Variants in MINDY2 observed in about 807,000 individuals in gnomAD.
MINDY2 encodes MINDY lysine 48 deubiquitinase 2.
In MINDY2, 52 loss-of-function variants were observed where a neutral mutation model predicts 68.2. The observed-to-expected ratio is 0.76, with a 90% CI of 0.61 to 0.96. MINDY2 has a LOEUF of 0.96. MINDY2 is among the 40% of genes least tolerant of loss of function. The pLI is 0.00. For synonymous variants in MINDY2, 372 were observed against 303.0 expected, an observed-to-expected ratio of 1.23 and a Z score of -2.36; for missense variants, 881 against 773.4, an observed-to-expected ratio of 1.14 and a Z score of -1.65.
chr15:58,844,728 C>A (rs1324595416), intron 6 of MINDY2, among the ~76,000 whole-genome samples: 1 of 151,588 alleles, frequency 6.6e-6, no homozygotes, highest in Non-Finnish European at 1.5e-5. Context: ...ACCAGCCTGG[C>A]CAACATGGTG....
At chr15:58,803,938 C>A (rs1902841791) in intron 3 of MINDY2, among the ~76,000 whole-genome samples, 1 of 136,598 alleles carries the variant, frequency 7.3e-6, no homozygotes, top group Non-Finnish European at 1.5e-5. Context: ...GAAACCCCAG[C>A]TCTACTGAAA....
At position 58,831,882 on chromosome 15, in the gene MINDY2, G is replaced by A. The variant is rs1294095505; in HGVS notation, c.1334G>A (p.Arg445Gln). The change falls in exon 6 of 9, where the codon CGG becomes CAG. Residue 445 changes from arginine (R) to glutamine (Q), a missense_variant. Physicochemically the swap from Arg to Gln is conservative, Grantham distance 43. Coordinates refer to ENST00000559228, the MANE Select transcript of MINDY2 (RefSeq NM_001040450.3). ...GAAGGAGAACTTTGTGTGTTCTTTC[G>A]GAATAATCATTTTAGCACCATGACC... ...VQEGELCVFF[R>Q]NNHFSTMTKY... is the part of the protein sequence containing the mutation. The A allele has an allele frequency of 4.3e-6, 7 of 1,613,350 alleles. No individual in the cohort carries two copies. The Admixed American group carries it at 5.0e-5, about 12-fold the overall frequency.
intron 3 of MINDY2, among the ~76,000 whole-genome samples, chr15:58,809,357 C>T (rs2030056579): frequency 6.6e-6 from 1 of 152,148 alleles, no homozygotes; most frequent in South Asian, 2.1e-4. Flanking sequence ...TTATTTCACT[C>T]AGCATGATGT....
intron 1 of MINDY2, among the ~76,000 whole-genome samples, chr15:58,786,702 G>C (rs189351088): frequency 2.0e-5 from 3 of 152,268 alleles, no homozygotes; most frequent in Admixed American, 6.5e-5. Flanking sequence ...AGGTCAAGAA[G>C]GTCGAAGAAC....
chr15:58,778,934 G>A (rs1900956944), intron 1 of MINDY2, among the ~76,000 whole-genome samples: 1 of 145,052 alleles, frequency 6.9e-6, no homozygotes, highest in African/African-American at 2.6e-5. Context: ...GCTAATTTTT[G>A]TATTTTTAGT....
chr15:58,794,528 T>G (rs1393874623), intron 2 of MINDY2, among the ~76,000 whole-genome samples: 1 of 151,848 alleles, frequency 6.6e-6, no homozygotes, highest in African/African-American at 2.4e-5. Context: ...GAGCTAAGAA[T>G]AAAGGGGATT....
intron 6 of MINDY2, among the ~76,000 whole-genome samples, chr15:58,833,731 T>C (rs180887897): frequency 9.9e-5 from 15 of 152,266 alleles, no homozygotes; most frequent in African/African-American, 3.1e-4. Context: ...GGTTTTCCCC[T>C]GTCTCAGTAG....
intron 3 of MINDY2, among the ~76,000 whole-genome samples, chr15:58,808,734 A>G (rs950171122): frequency 1.3e-5 from 2 of 152,100 alleles, no homozygotes; most frequent in Non-Finnish European, 2.9e-5. Flanking sequence ...CCTCCCGAGT[A>G]GCTGGGACTA....
At chr15:58,807,658 C>T (rs1394989417) in intron 3 of MINDY2, among the ~76,000 whole-genome samples, 4 of 152,096 alleles carry the variant, frequency 2.6e-5, no homozygotes, top group African/African-American at 9.7e-5. Context: ...CCATTGCGCC[C>T]GGCCTAAAAT....
chr15:58,780,070 C>G (rs1211187509), intron 1 of MINDY2, among the ~76,000 whole-genome samples: 6 of 152,154 alleles, frequency 3.9e-5, no homozygotes. Context: ...TCAACCACAT[C>G]ATGAAATCCT....
At chr15:58,783,633 G>C (rs1424303334) in intron 1 of MINDY2, among the ~76,000 whole-genome samples, 1 of 152,130 alleles carries the variant, frequency 6.6e-6, no homozygotes, top group African/African-American at 2.4e-5. Context: ...CTCTTTAGAT[G>C]ATTAAGAATT....
chr15:58,793,753 G>A (rs144602888), intron 2 of MINDY2, among the ~76,000 whole-genome samples: 150 of 152,254 alleles, frequency 9.9e-4, no homozygotes, highest in African/African-American at 3.4e-3. Flanking sequence ...GTTGCAGCGC[G>A]TCTCTTGAGT....
intron 2 of MINDY2, among the ~76,000 whole-genome samples, chr15:58,791,664 G>GTGTGTGTGTA (rs1901946646): frequency 2.1e-5 from 3 of 139,986 alleles, no homozygotes; most frequent in Non-Finnish European, 4.7e-5. Context: ...GTGTGTGTAT[G>GTGTGTGTGTA]TGTGTGTGTG....
chr15:58,851,751 G>T lies in MINDY2; in HGVS notation c.1543-20G>T, dbSNP rs747279792. ...GGGTAAAATCTCATAGCTAATGATGGTTATAATTTAATTTATTAGGATTAT... is the reference window on the plus strand; with the variant it reads ...GGGTAAAATCTCATAGCTAATGATGTTTATAATTTAATTTATTAGGATTAT... On this transcript the variant is annotated intron_variant, in intron 7 of 8. Transcript: ENST00000559228. The T allele has an allele frequency of 1.3e-6, 2 of 1,525,400 alleles. No homozygotes were observed. Among genetic ancestry groups the T allele is most frequent in the Non-Finnish European group, 1.8e-6 (2 of 1,137,380 alleles). 94.5% of individuals were successfully genotyped at this position (1,525,400 alleles called of 1,614,324 possible).
rs548506073 is a variant in MINDY2, at chr15:58,854,543, A to C, written c.1799A>C (p.Lys600Thr). The C allele has an allele frequency of 1.2e-5, 20 of 1,613,832 alleles. No individual in the cohort carries two copies. Among genetic ancestry groups the C allele is most frequent in the Admixed American group, 3.3e-5 (2 of 59,988 alleles). Residue 600 changes from lysine (K) to threonine (T), a missense_variant, in exon 9 of 9, where the codon AAA (lysine) becomes ACA (threonine). Coordinates refer to ENST00000559228, the MANE Select transcript of MINDY2 (RefSeq NM_001040450.3). ...AGACAATCTGGGAATAGTGAACGTA[A>C]ACGGAAGGAACCACGAGAAAAAGAT... Reference protein sequence around the residue: ...SGRQSGNSERKRKEPREKDKE... With the variant: ...SGRQSGNSERTRKEPREKDKE...
rs1264623160 is a variant in MINDY2 at position 58,859,314 on chromosome 15, A to G, written c.*4704A>G. The G allele has an allele frequency of 6.6e-6, 1 of 152,192 alleles. No homozygotes were observed. The highest frequency in any genetic ancestry group is 2.4e-5 in the African/African-American group (1 of 41,474). 9.4% of individuals were successfully genotyped at this position (152,192 alleles called of 1,614,324 possible). On this transcript the variant is annotated 3_prime_UTR_variant, in exon 9 of 9. Transcript: ENST00000559228. The stretch of plus-strand genomic sequence containing the variant: ...TTCTCCATGGAATACGGTGGTATCA[A>G]ATTACTAATACAGTATATAAACTTC...
chr15:58,835,366 C>T (rs62002455), intron 6 of MINDY2, among the ~76,000 whole-genome samples: 20,044 of 152,082 alleles, frequency 0.13, 1,821 homozygotes, highest in South Asian at 0.33. Flanking sequence ...TAAAATGATA[C>T]CTGAGGCTGG....
intron 2 of MINDY2, among the ~76,000 whole-genome samples, chr15:58,798,232 T>A (rs1902409505): frequency 6.6e-6 from 1 of 151,958 alleles, no homozygotes; most frequent in Admixed American, 6.6e-5. Flanking sequence ...TTCTCCTGCC[T>A]CAGCTACCCG....
chr15:58,795,417 G>GT (rs1313921222), intron 2 of MINDY2, among the ~76,000 whole-genome samples: 1 of 151,950 alleles, frequency 6.6e-6, no homozygotes, highest in South Asian at 2.1e-4. Flanking sequence ...GTTTTGTTTT[G>GT]TTTTTTGAGA....
Sources: gnomAD v4.1 joint callset for allele counts (sites outside exome capture counted in the v4.1 genomes callset) on GRCh38, gnomAD v4.1.1 for gene constraint, MANE v1.5 for transcripts, NCBI Gene and HGNC (gene_info 2026-07-23, HGNC 2026-07-21) for gene names.